ARHGEF10: variants seen among roughly 807,000 people sequenced by gnomAD.
The protein encoded by ARHGEF10 is Rho guanine nucleotide exchange factor (GEF) 10.
ARHGEF10 carries 140 observed loss-of-function variants against 147.4 expected under a neutral mutation model. The ratio of observed to expected loss-of-function variants is 0.95; its 90% CI spans 0.83 to 1.09. ARHGEF10 has a LOEUF of 1.09. Among genes scored for constraint, ARHGEF10 ranks in the 50% least tolerant of loss-of-function variants. The pLI, the probability that ARHGEF10 is intolerant of heterozygous loss-of-function variation, is 0.00. For missense variants in ARHGEF10, 2,222 were observed against 1,752.7 expected, an observed-to-expected ratio of 1.27 and a Z score of -4.78; for synonymous variants, 902 against 695.8, an observed-to-expected ratio of 1.30 and a Z score of -4.67.
Position 1,876,507 on chromosome 8 carries a change from A to G in ARHGEF10, c.680-64A>G, listed in dbSNP as rs1032169211. On this transcript the variant is annotated intron_variant, in intron 7 of 28. Transcript: ENST00000349830. ...TAGATGATTTGGTAAAACCACAAAC[A>G]GGCACAAAACAGCCCACATGGAATT... is the stretch of plus-strand genomic sequence containing the variant. 2.6e-6 allele frequency: 4 copies of G among 1,516,016 alleles called. No individual in the cohort carries two copies. The African/African-American group carries it at 5.5e-5, about 21-fold the overall frequency. The allele number at this position is 1,516,016 out of a possible 1,614,324, so 93.9% of individuals were successfully genotyped here.
At position 1,877,048 on chromosome 8, in the gene ARHGEF10, G is replaced by T. The variant is rs144158432; in HGVS notation, c.843+314G>T. On this transcript the variant is annotated intron_variant, in intron 8 of 28. Transcript: ENST00000349830. ...TTTTAATGTATTATGTGCTTTGCACGTAGCACCGTTTGCGGAACACTGAAT... is the reference window on the plus strand; with the variant it reads ...TTTTAATGTATTATGTGCTTTGCACTTAGCACCGTTTGCGGAACACTGAAT... Among the ~76,000 whole-genome samples the T allele has an allele frequency of 4.5e-4, 68 of 152,222 alleles. 1 individual carries two copies. The highest frequency in any genetic ancestry group is 4.0e-3 in the Admixed American group (61 of 15,286).
chr8:1,937,487 T>G lies in ARHGEF10; in HGVS notation c.3222+3545T>G, dbSNP rs943623764. Among the ~76,000 whole-genome samples, 1 of 152,256 alleles carries G rather than the reference T, an allele frequency of 6.6e-6. No homozygotes were observed. The highest frequency in any genetic ancestry group is 1.5e-5 in the Non-Finnish European group (1 of 68,040). On this transcript the variant is annotated intron_variant, in intron 26 of 28. Transcript: ENST00000349830. The surrounding 1 kb of genome is among the most constrained non-coding windows in gnomAD (Gnocchi z 4.9). ...CTCAGGCTGCTTGTAATTTATATGC[T>G]GTAAATCTCGAAGACTCAGAGAGAA...
At chr8:1,921,689 C>T (rs1011193475) in intron 18 of ARHGEF10, among the ~76,000 whole-genome samples, 1 of 151,860 alleles carries the variant, frequency 6.6e-6, no homozygotes, top group Non-Finnish European at 1.5e-5. Flanking sequence ...GAGCTGAGAT[C>T]GTGCCATCGC....
intron 1 of ARHGEF10, among the ~76,000 whole-genome samples, chr8:1,828,462 G>A (rs1802897249): frequency 6.6e-6 from 1 of 150,740 alleles, no homozygotes; most frequent in South Asian, 2.1e-4. Flanking sequence ...CTGTTTTAAG[G>A]AATTACATTT....
At chr8:1,891,260 C>G (rs1348447315) in intron 11 of ARHGEF10, among the ~76,000 whole-genome samples, 1 of 152,098 alleles carries the variant, frequency 6.6e-6, no homozygotes, top group East Asian at 1.9e-4. Context: ...TTTCCTCCTG[C>G]CAAATGTGTT....
intron 26 of ARHGEF10, among the ~76,000 whole-genome samples, chr8:1,941,176 G>T (rs1346246709): frequency 6.6e-6 from 1 of 152,192 alleles, no homozygotes; most frequent in African/African-American, 2.4e-5. Flanking sequence ...AAGTAAAGTT[G>T]CATTTGCATA....
At chr8:1,852,119 TAAC>T (rs1158464111) in intron 2 of ARHGEF10, among the ~76,000 whole-genome samples, 1 of 152,018 alleles carries the variant, frequency 6.6e-6, no homozygotes, top group African/African-American at 2.4e-5. Flanking sequence ...AAGAATTAAA[TAAC>T]AACAACAACT....
At chr8:1,913,411 A>G (rs1811523330) in intron 18 of ARHGEF10, among the ~76,000 whole-genome samples, 1 of 152,044 alleles carries the variant, frequency 6.6e-6, no homozygotes, top group African/African-American at 2.4e-5. Context: ...GAAAGGAAAC[A>G]CTCCTTCAGA....
Position 1,945,569 on chromosome 8 carries a change from G to C in ARHGEF10, c.3311G>C (p.Gly1104Ala), listed in dbSNP as rs751214800. ...GVGIWIAFTS[G>A]STLRLFHTET... Reference sequence around the variant, plus strand: ...GGGATCTGGATTGCCTTCACCTCAGGGTCCACGCTCCGCCTTTTTCACACG... The same window carrying C: ...GGGATCTGGATTGCCTTCACCTCAGCGTCCACGCTCCGCCTTTTTCACACG... The change falls in exon 27 of 29, where the codon GGG becomes GCG. Residue 1104 changes from glycine (G) to alanine (A), a missense_variant. Transcript: ENST00000349830. 1.4e-5 allele frequency: 22 copies of C among 1,614,094 alleles called. No individual in the cohort carries two copies. In the South Asian group the frequency reaches 1.5e-4, roughly 11 times the overall value.
rs112162898 is a variant in ARHGEF10 at position 1,949,811 on chromosome 8, G to A, written c.3398-2894G>A. Among the ~76,000 whole-genome samples, 695 of 151,780 alleles carry A rather than the reference G, an allele frequency of 4.6e-3. 8 individuals carry two copies. The highest frequency in any genetic ancestry group is 0.022 in the South Asian group (104 of 4,800). ...GGAGCCACAGCCTTTCTCGGTGGCC[G>A]GTGTGGCCCTGGCCTGTCCTTTGTT... On this transcript the variant is annotated intron_variant, in intron 27 of 28. Coordinates refer to ENST00000349830, the MANE Select transcript of ARHGEF10 (RefSeq NM_014629.4).
intron 11 of ARHGEF10, among the ~76,000 whole-genome samples, chr8:1,889,960 GA>G: frequency 6.9e-6 from 1 of 144,946 alleles, no homozygotes. Flanking sequence ...CTGAGTGGGG[GA>G]GGGGTATGTG....
intron 18 of ARHGEF10, among the ~76,000 whole-genome samples, chr8:1,922,025 G>C (rs540360140): frequency 2.0e-5 from 3 of 152,272 alleles, no homozygotes; most frequent in African/African-American, 4.8e-5. Flanking sequence ...CAGACACTCA[G>C]GCTAATTCTG....
chr8:1,905,498 C>G, intron 16 of ARHGEF10, 73 bp from the exon 17 acceptor site: 1 of 1,593,518 alleles, frequency 6.3e-7, no homozygotes, highest in Non-Finnish European at 8.6e-7. Flanking sequence ...GACTCCATAC[C>G]AGACTTCTCC....
At chr8:1,891,587 G>C (rs1195572928) in intron 11 of ARHGEF10, among the ~76,000 whole-genome samples, 1 of 152,148 alleles carries the variant, frequency 6.6e-6, no homozygotes, top group Non-Finnish European at 1.5e-5. Context: ...CTCAGGCCTA[G>C]GAGCCTCTCT....
chr8:1,860,533 C>CCTCT (rs1806043161), intron 4 of ARHGEF10, among the ~76,000 whole-genome samples: 2 of 152,196 alleles, frequency 1.3e-5, no homozygotes, highest in African/African-American at 2.4e-5. Flanking sequence ...CCTGCCCCCA[C>CCTCT]CCAGGTCATT....
chr8:1,829,892 T>A (rs916903034), intron 1 of ARHGEF10, among the ~76,000 whole-genome samples: 4 of 152,096 alleles, frequency 2.6e-5, no homozygotes, highest in African/African-American at 9.7e-5. Flanking sequence ...GACATGCAGG[T>A]TTCTCCATGA....
rs185542396 is a variant in ARHGEF10 at position 1,859,747 on chromosome 8, C to G, written c.194-150C>G. On this transcript the variant is annotated intron_variant, in intron 3 of 28. Transcript: ENST00000349830. ...GTTCCCCATGTGTGAGTGCTCCCTC[C>G]GAGGCCACCTGATGACCTGGGAACG... The G allele has an allele frequency of 5.7e-4, 528 of 929,062 alleles. 6 individuals are homozygous for G. In the East Asian group the frequency reaches 0.012, roughly 20 times the overall value. 57.6% of individuals were successfully genotyped at this position (929,062 alleles called of 1,614,324 possible).
chr8:1,911,462 A>T (rs1158625269), intron 18 of ARHGEF10, among the ~76,000 whole-genome samples: 1 of 152,234 alleles, frequency 6.6e-6, no homozygotes, highest in African/African-American at 2.4e-5. Context: ...TTTAAAACAA[A>T]TTATTTAAAA....
chr8:1,873,217 G>T (rs576520347), intron 7 of ARHGEF10, among the ~76,000 whole-genome samples: 6 of 152,346 alleles, frequency 3.9e-5, no homozygotes, highest in South Asian at 4.1e-4. Context: ...GGGATGCTCT[G>T]TGCAGAGCTG....
Sources: allele counts gnomAD v4.1 joint callset (sites outside exome capture counted in the v4.1 genomes callset), GRCh38; gene constraint gnomAD v4.1.1; non-coding constraint Gnocchi (gnomAD v3.1); transcripts MANE v1.5; gene names NCBI Gene and HGNC (gene_info 2026-07-23, HGNC 2026-07-21).